KCNH7: variants seen among roughly 807,000 people sequenced by gnomAD.
The protein encoded by KCNH7 is voltage-gated inwardly rectifying potassium channel KCNH7.
A neutral mutation model predicts 120.8 loss-of-function variants in KCNH7; 49 were observed. The ratio of observed to expected loss-of-function variants is 0.41; its 90% CI spans 0.32 to 0.51. KCNH7 has a LOEUF of 0.51. Ranked by LOEUF, KCNH7 falls within the 20% of genes least tolerant of loss-of-function variation. KCNH7 has a pLI of 0.38. For synonymous variants in KCNH7, 547 were observed against 516.1 expected (o/e 1.06, Z -0.81); for missense variants, 1,097 against 1,446.6 (o/e 0.76, Z 3.92).
chr2:162,805,412 A>C (rs1486404551), intron 2 of KCNH7, among the ~76,000 whole-genome samples: 1 of 152,128 alleles, frequency 6.6e-6, no homozygotes, highest in East Asian at 1.9e-4. Context: ...CCCATCAAAA[A>C]GTGAGCAAAG....
chr2:162,454,588 G>A (rs1361876689), intron 6 of KCNH7, among the ~76,000 whole-genome samples: 1 of 152,100 alleles, frequency 6.6e-6, no homozygotes, highest in Non-Finnish European at 1.5e-5. Context: ...CCATGAGCAT[G>A]GAATGTTTTT....
At chr2:162,678,336 TTTGAAGCA>T (rs200965671) in intron 2 of KCNH7, among the ~76,000 whole-genome samples, 1,622 of 151,460 alleles carry the variant, frequency 0.011, 25 homozygotes, top group African/African-American at 0.037. Context: ...TTGACTTGAG[TTTGAAGCA>T]TTGATAACAT....
At chr2:162,643,263 T>C (rs1016889624) in intron 2 of KCNH7, among the ~76,000 whole-genome samples, 3 of 151,964 alleles carry the variant, frequency 2.0e-5, no homozygotes, top group East Asian at 3.9e-4. Flanking sequence ...ATTCAGACTA[T>C]TGATTTTTTT....
At chr2:162,660,729 T>G (rs1684928119) in intron 2 of KCNH7, among the ~76,000 whole-genome samples, 2 of 152,194 alleles carry the variant, frequency 1.3e-5, no homozygotes, top group Admixed American at 1.3e-4. Context: ...TTCAGTTATT[T>G]TTTATACACT....
At chr2:162,726,666 C>T (rs887604963) in intron 2 of KCNH7, among the ~76,000 whole-genome samples, 2 of 152,146 alleles carry the variant, frequency 1.3e-5, no homozygotes, top group African/African-American at 2.4e-5. Context: ...GTGATCCGCC[C>T]ACCTCGGCCT....
At chr2:162,501,004 C>A (rs538914175) in intron 6 of KCNH7, among the ~76,000 whole-genome samples, 5 of 152,050 alleles carry the variant, frequency 3.3e-5, no homozygotes, top group African/African-American at 1.2e-4. Flanking sequence ...TTGAAGAGCT[C>A]TGCTTTCAAG....
intron 2 of KCNH7, among the ~76,000 whole-genome samples, chr2:162,815,669 T>G (rs995569106): frequency 6.6e-6 from 1 of 152,334 alleles, no homozygotes; most frequent in South Asian, 2.1e-4. Context: ...ATGTTAATTG[T>G]GCATCTCAGA....
At chr2:162,508,094 T>C (rs1690944107) in intron 5 of KCNH7, among the ~76,000 whole-genome samples, 1 of 151,618 alleles carries the variant, frequency 6.6e-6, no homozygotes, top group Non-Finnish European at 1.5e-5. Flanking sequence ...TAGGGAATCA[T>C]GTTGATATTT....
chr2:162,781,968 C>A (rs914707363), intron 2 of KCNH7, among the ~76,000 whole-genome samples: 1 of 152,174 alleles, frequency 6.6e-6, no homozygotes, highest in Admixed American at 6.5e-5. Flanking sequence ...CGATGAAAAA[C>A]TGACTGGAAT....
intron 2 of KCNH7, among the ~76,000 whole-genome samples, chr2:162,632,027 T>C (rs1351143901): frequency 6.6e-6 from 1 of 151,934 alleles, no homozygotes; most frequent in Non-Finnish European, 1.5e-5. Flanking sequence ...CTTATTCATT[T>C]ATAGAAAAAG....
chr2:162,683,689 A>G (rs997308859), intron 2 of KCNH7, among the ~76,000 whole-genome samples: 5 of 151,926 alleles, frequency 3.3e-5, no homozygotes, highest in Non-Finnish European at 7.4e-5. Context: ...TTCTGGTATC[A>G]ACAATTAATT....
chr2:162,821,621 C>T (rs1685124159), intron 2 of KCNH7, among the ~76,000 whole-genome samples: 1 of 152,118 alleles, frequency 6.6e-6, no homozygotes, highest in Non-Finnish European at 1.5e-5. Context: ...CTGGAACAGT[C>T]CTGGTTTTTT....
intron 2 of KCNH7, among the ~76,000 whole-genome samples, chr2:162,760,237 T>C (rs1249497366): frequency 6.6e-6 from 1 of 152,068 alleles, no homozygotes; most frequent in South Asian, 2.1e-4. Flanking sequence ...CATAATTTTC[T>C]AAAAAAAGTC....
chr2:162,631,393 CAG>C (rs1683762913), intron 2 of KCNH7, among the ~76,000 whole-genome samples: 3 of 151,844 alleles, frequency 2.0e-5, no homozygotes, highest in Admixed American at 2.0e-4. Context: ...TTGTGTGTAA[CAG>C]GGGTGGTTAA....
In KCNH7 at chr2:162,685,949, T is replaced by C. The variant is rs957853736; in HGVS notation, c.308-148869A>G. 3.9e-5 allele frequency among the ~76,000 whole-genome samples: 6 copies of C among 152,062 alleles called. No homozygotes were observed. The East Asian group carries it at 7.7e-4, about 20-fold the overall frequency. On this transcript the variant is annotated intron_variant, in intron 2 of 15. Coordinates refer to ENST00000332142, the MANE Select transcript of KCNH7 (RefSeq NM_033272.4). Reference sequence around the variant, plus strand: ...GAACAAAGAAGACAAAACAATAAAATAGATATCTCACCCTAAAACGAGAAA... The same window carrying C: ...GAACAAAGAAGACAAAACAATAAAACAGATATCTCACCCTAAAACGAGAAA...
At chr2:162,470,659 C>G (rs566955791) in intron 6 of KCNH7, among the ~76,000 whole-genome samples, 1 of 143,242 alleles carries the variant, frequency 7.0e-6, no homozygotes, top group Non-Finnish European at 1.5e-5. Flanking sequence ...CCGCCCCGTC[C>G]GGGAGGTGAG....
intron 2 of KCNH7, among the ~76,000 whole-genome samples, chr2:162,748,962 C>A (rs1165782088): frequency 7.3e-6 from 1 of 136,702 alleles, no homozygotes; most frequent in African/African-American, 2.8e-5. Flanking sequence ...TTCCTTCCTT[C>A]CTTCCTTCCT....
chr2:162,421,072 C>T (rs1389314542), intron 9 of KCNH7, among the ~76,000 whole-genome samples: 1 of 152,032 alleles, frequency 6.6e-6, no homozygotes, highest in Non-Finnish European at 1.5e-5. Context: ...TTGCAGTTTG[C>T]TTACTCACTT....
intron 6 of KCNH7, among the ~76,000 whole-genome samples, chr2:162,473,655 A>G (rs766734517): frequency 4.6e-5 from 7 of 152,238 alleles, no homozygotes; most frequent in Non-Finnish European, 5.9e-5. Flanking sequence ...TATGCCAGGC[A>G]CTGGGCTAGG....
Sources: allele counts gnomAD v4.1 joint callset (sites outside exome capture counted in the v4.1 genomes callset), GRCh38; gene constraint gnomAD v4.1.1; transcripts MANE v1.5; gene names NCBI Gene and HGNC (gene_info 2026-07-23, HGNC 2026-07-21).